NCR2: variants seen among roughly 807,000 people sequenced by gnomAD.
NCR2 encodes the protein natural cytotoxicity triggering receptor 2, also known as NK cell activating receptor (NKp44).
Under a neutral mutation model 30.7 loss-of-function variants are expected in NCR2, and 35 were observed. The ratio of observed to expected loss-of-function variants is 1.14; its 90% CI spans 0.87 to 1.51. NCR2 has a LOEUF of 1.51. Ranked by LOEUF, NCR2 falls within the 40% of genes most tolerant of loss-of-function variation. NCR2 has a pLI of 0.00. For missense variants in NCR2, 316 were observed against 328.9 expected, an observed-to-expected ratio of 0.96 and a Z score of 0.30; for synonymous variants, 146 against 134.8, an observed-to-expected ratio of 1.08 and a Z score of -0.58.
At chr6:41,343,647 C>T (rs949546543) in intron 4 of NCR2, among the ~76,000 whole-genome samples, 103 of 152,126 alleles carry the variant, frequency 6.8e-4, no homozygotes, top group African/African-American at 2.2e-3. Context: ...CTGAAGAAAG[C>T]GGAAACAAGG....
At chr6:41,341,661 T>C in intron 2 of NCR2, 133 bp from the exon 3 acceptor site, 2 of 1,182,298 alleles carry the variant, frequency 1.7e-6, no homozygotes, top group Non-Finnish European at 2.4e-6. Flanking sequence ...TCCCCACCCC[T>C]CAAATTAGTT....
chr6:41,347,806 C>T (rs999164651), intron 4 of NCR2, among the ~76,000 whole-genome samples: 17 of 152,134 alleles, frequency 1.1e-4, no homozygotes, highest in African/African-American at 3.6e-4. Context: ...TCTCTGGTGT[C>T]GCAGTCAGGA....
intron 2 of NCR2, among the ~76,000 whole-genome samples, chr6:41,340,319 G>A (rs536003841): frequency 6.6e-6 from 1 of 152,066 alleles, no homozygotes; most frequent in African/African-American, 2.4e-5. Flanking sequence ...CTGCTACCAC[G>A]CCTGGCTAAT....
intron 1 of NCR2, 40 bp from the exon 2 acceptor site, chr6:41,336,047 C>T (rs759980821): frequency 9.4e-6 from 15 of 1,593,962 alleles, no homozygotes; most frequent in Admixed American, 8.5e-5. Flanking sequence ...GCAGGTTGTG[C>T]GCGTGGCCTT....
At chr6:41,343,529 G>C (rs916004137) in intron 4 of NCR2, among the ~76,000 whole-genome samples, 2 of 152,206 alleles carry the variant, frequency 1.3e-5, no homozygotes, top group African/African-American at 4.8e-5. Flanking sequence ...AAATTTAACA[G>C]AGTTTATCTG....
rs1363318189 is a variant in NCR2 at position 41,336,204 on chromosome 6, A to T, written c.170A>T (p.Glu57Val). ...TACGAGAAGAAAGGCTGGTGTAAGG[A>T]GGCTTCAGCACTTGTGTGCATCAGG... ...SLYEKKGWCK[E>V]ASALVCIRLV... The change falls in exon 2 of 5, where the codon GAG becomes GTG. Residue 57 changes from glutamate (E) to valine (V), a missense_variant. Physicochemically the swap from Glu to Val is moderately radical, Grantham distance 121. Coordinates refer to ENST00000373089, the MANE Select transcript of NCR2 (RefSeq NM_004828.4). The T allele has an allele frequency of 5.6e-6, 9 of 1,614,186 alleles. No individual in the cohort carries two copies. In the East Asian group the frequency reaches 1.8e-4, roughly 32 times the overall value.
At chr6:41,336,058 G>T (rs1769013943) in intron 1 of NCR2, 29 bp from the exon 2 acceptor site, 2 of 1,604,136 alleles carry the variant, frequency 1.2e-6, no homozygotes, top group Non-Finnish European at 1.7e-6. Context: ...GCGTGGCCTT[G>T]ACCTATGCGT....
chr6:41,350,677 G>T lies in NCR2; in HGVS notation c.645-1G>T. 2 of 1,611,542 alleles carry T rather than the reference G, an allele frequency of 1.2e-6. No individual in the cohort carries two copies. The highest frequency in any genetic ancestry group is 1.7e-6 in the Non-Finnish European group (2 of 1,178,798). On this transcript the variant is annotated splice_acceptor_variant, in intron 4 of 4. Transcript: ENST00000373089. LOFTEE classifies it high-confidence loss of function. ...TTCCTGGTTTCCTGCTCTGATTGCA[G>T]GGGGGACATATGGTGGAAAACCATG...
intron 4 of NCR2, among the ~76,000 whole-genome samples, chr6:41,346,828 AGAGG>A (rs374481433): frequency 0.032 from 4,375 of 135,906 alleles, 202 homozygotes; most frequent in African/African-American, 0.1. Context: ...AGAGAGAAAG[AGAGG>A]GAGGGAGGGA....
rs560581027 is a variant in NCR2, at chr6:41,341,939, G to A, written c.530+10G>A. On this transcript the variant is annotated intron_variant, in intron 3 of 4. Transcript: ENST00000373089. The stretch of plus-strand genomic sequence containing the variant: ...TCCCTGTCCCTTCACAGTGAGTTTC[G>A]GGGTGCCCGTAGCCACACAGGCCTG... The A allele has an allele frequency of 6.8e-6, 11 of 1,613,100 alleles. No individual in the cohort carries two copies. The East Asian group carries it at 8.9e-5, about 13-fold the overall frequency.
chr6:41,346,310 A>G (rs1249651204), intron 4 of NCR2, among the ~76,000 whole-genome samples: 1 of 152,024 alleles, frequency 6.6e-6, no homozygotes, highest in African/African-American at 2.4e-5. Flanking sequence ...TTCAGCCACC[A>G]TTGCAGATGG....
At chr6:41,336,577 A>T in intron 2 of NCR2, 149 bp downstream of exon 2, 1 of 644,232 alleles carries the variant, frequency 1.6e-6, no homozygotes, top group Non-Finnish European at 2.7e-6. Flanking sequence ...GGGGGAACTC[A>T]TATGTGCACA....
chr6:41,345,275 A>C (rs1769274627), intron 4 of NCR2, among the ~76,000 whole-genome samples: 1 of 151,588 alleles, frequency 6.6e-6, no homozygotes, highest in South Asian at 2.1e-4. Flanking sequence ...AGATACCTGC[A>C]CCTCCCATTT....
rs150493418 is a variant in NCR2 at position 41,347,614 on chromosome 6, G to C, written c.645-3064G>C. 3.3e-3 allele frequency among the ~76,000 whole-genome samples: 501 copies of C among 152,214 alleles called. 2 individuals are homozygous for C. The highest frequency in any genetic ancestry group is 0.011 in the African/African-American group (477 of 41,538). On this transcript the variant is annotated intron_variant, in intron 4 of 4. Transcript: ENST00000373089. ...AGATGCTTTCTTCCAGGGCTTCCAG[G>C]AAAAAAGAACTCTTGTGACTTTCTC...
At chr6:41,346,079 G>T (rs1769291792) in intron 4 of NCR2, among the ~76,000 whole-genome samples, 1 of 152,006 alleles carries the variant, frequency 6.6e-6, no homozygotes, top group South Asian at 2.1e-4. Flanking sequence ...ATCACTGTGG[G>T]TGACCACCCA....
chr6:41,340,147 C>CTTTATTTATTTATTTA (rs34270868), intron 2 of NCR2, among the ~76,000 whole-genome samples: 6,802 of 147,260 alleles, frequency 0.046, 449 homozygotes, highest in African/African-American at 0.14. Flanking sequence ...TAGCTAACAA[C>CTTTATTTATTTATTTA]TTTATTTATT....
intron 2 of NCR2, 29 bp from the exon 3 acceptor site, chr6:41,341,765 C>T: frequency 6.3e-7 from 1 of 1,593,996 alleles, no homozygotes; most frequent in Non-Finnish European, 8.5e-7. Flanking sequence ...CTCCCACTCA[C>T]TAACCACGCT....
intron 2 of NCR2, among the ~76,000 whole-genome samples, chr6:41,336,787 C>G (rs900202541): frequency 1.3e-5 from 2 of 152,034 alleles, no homozygotes; most frequent in African/African-American, 4.8e-5. Context: ...CCATGTAGAG[C>G]CAGTGGTATC....
intron 4 of NCR2, among the ~76,000 whole-genome samples, chr6:41,343,182 C>A (rs116595779): frequency 0.011 from 1,668 of 152,394 alleles, 16 homozygotes; most frequent in Non-Finnish European, 0.017. Context: ...TACTTGCTCA[C>A]CCTCAGTTTG....
Sources: gnomAD v4.1 joint callset for allele counts (sites outside exome capture counted in the v4.1 genomes callset) on GRCh38, gnomAD v4.1.1 for gene constraint, MANE v1.5 for transcripts, NCBI Gene and HGNC (gene_info 2026-07-23, HGNC 2026-07-21) for gene names.